The following IRF3 variants were observed in gnomAD, a reference collection of about 807,000 sequenced individuals.
The protein encoded by IRF3 is interferon regulatory factor 3.
Under a neutral mutation model 43.2 loss-of-function variants are expected in IRF3, and 29 were observed. The ratio of observed to expected loss-of-function variants is 0.67; its 90% CI spans 0.50 to 0.91. The LOEUF (loss-of-function observed/expected upper bound fraction) is 0.91. Among genes scored for constraint, IRF3 ranks in the 40% least tolerant of loss-of-function variants. IRF3 has a pLI of 0.00. For missense variants in IRF3, 505 were observed against 559.1 expected, an observed-to-expected ratio of 0.90 and a Z score of 0.98; for synonymous variants, 228 against 233.9, an observed-to-expected ratio of 0.97 and a Z score of 0.23.
At chr19:49,659,978 TAG>T in intron 7 of IRF3, 145 bp from the exon 8 acceptor site, 3 of 483,456 alleles carry the variant, frequency 6.2e-6, no homozygotes, top group Non-Finnish European at 6.5e-6. Flanking sequence ...CTGGGAGTTG[TAG>T]TTTTACACAC....
chr19:49,662,963 C>T (rs1437105771), intron 4 of IRF3, among the ~76,000 whole-genome samples: 3 of 152,160 alleles, frequency 2.0e-5, no homozygotes, highest in Non-Finnish European at 2.9e-5. Context: ...CCCTGCGAAT[C>T]GAAATCCATG....
Position 49,663,174 on chromosome 19 carries a change from GGGC to G in IRF3, c.408+11_408+13del. Reference sequence around the variant, plus strand: ...TCGGAGACTGAGGGGCATGAAAGTTGGGCACATTCTCACCTGGGTATCAGAAGT... The same window carrying G: ...TCGGAGACTGAGGGGCATGAAAGTTGACATTCTCACCTGGGTATCAGAAGT... On this transcript the variant is annotated intron_variant, in intron 4 of 7. Transcript: ENST00000377139. 6.2e-7 allele frequency: 1 copy of G among 1,609,770 alleles called. No individual in the cohort carries two copies. The highest frequency in any genetic ancestry group is 1.1e-5 in the South Asian group (1 of 90,980).
chr19:49,660,092 A>T (rs2081250233), intron 7 of IRF3, among the ~76,000 whole-genome samples: 2 of 151,078 alleles, frequency 1.3e-5, no homozygotes, highest in South Asian at 4.2e-4. Context: ...ACACACACAC[A>T]AACACACACA....
chr19:49,659,927 G>A (rs1568451109), intron 7 of IRF3, 94 bp from the exon 8 acceptor site: 17 of 1,366,456 alleles, frequency 1.2e-5, no homozygotes, highest in Non-Finnish European at 1.7e-5. Flanking sequence ...ACTCCCTGCA[G>A]CCCCTGCTGT....
intron 1 of IRF3, chr19:49,665,101 A>C: frequency 8.8e-6 from 4 of 453,562 alleles, no homozygotes; most frequent in Non-Finnish European, 1.2e-5. Flanking sequence ...CACTCCCTCA[A>C]TTCCGCCAGT....
intron 6 of IRF3, chr19:49,661,736 C>T (rs573005340): frequency 2.4e-5 from 14 of 575,448 alleles, no homozygotes; most frequent in South Asian, 1.4e-4. Context: ...CGTGCCACCA[C>T]GCCCGACTAT....
At position 49,663,429 on chromosome 19, in the gene IRF3, A is replaced by G; in HGVS notation, c.251T>C (p.Leu84Pro). Residue 84 changes from leucine to proline, a missense_variant, in exon 3 of 8, where the codon CTC (leucine) becomes CCC (proline). Leu to Pro is a moderately conservative substitution (Grantham distance 98). Transcript: ENST00000377139. ...PTWKRNFRSA[L>P]NRKEGLRLAE... ...TAAACGCAACCCTTCTTTGCGGTTGAGGGCAGAGCGGAAATTCCTCTTCCA... is the reference window on the plus strand; with the variant it reads ...TAAACGCAACCCTTCTTTGCGGTTGGGGGCAGAGCGGAAATTCCTCTTCCA... 6.2e-7 allele frequency: 1 copy of G among 1,614,192 alleles called. No homozygotes were observed. The highest frequency in any genetic ancestry group is 8.5e-7 in the Non-Finnish European group (1 of 1,180,038).
rs1222232553 is a variant in IRF3 at position 49,665,623 on chromosome 19, C to T, written c.-9+8G>A. 16 of 646,744 alleles carry T rather than the reference C, an allele frequency of 2.5e-5. No homozygotes were observed. The highest frequency in any genetic ancestry group is 4.1e-5 in the Non-Finnish European group (16 of 387,806). 40.1% of individuals were successfully genotyped at this position (646,744 alleles called of 1,614,324 possible). ...CCACCAACGCTCTCCCGGGCTCTTC[C>T]GCGTTACCTACGATGGAAGGTCGGG... On this transcript the variant is annotated splice_region_variant and intron_variant, in intron 1 of 7. Transcript: ENST00000377139.
chr19:49,662,614 C>G lies in IRF3; in HGVS notation c.412G>C (p.Asp138His). 6.5e-7 allele frequency: 1 copy of G among 1,528,290 alleles called. No individual in the cohort carries two copies. Among genetic ancestry groups the G allele is most frequent in the Admixed American group, 2.4e-5 (1 of 41,904 alleles). 94.7% of individuals were successfully genotyped at this position (1,528,290 alleles called of 1,614,324 possible). The stretch of plus-strand genomic sequence containing the variant: ...TTACCCAGTAACTCATCCAGAATGT[C>G]TTCCTGGAGGGAAACAAAAAAAGAG... ...GGGSTSDTQEDILDELLGNMV... is the reference protein window; with the variant it reads ...GGGSTSDTQEHILDELLGNMV... The change falls in exon 5 of 8, where the codon GAC (aspartate) becomes CAC (histidine). Residue 138 changes from aspartate (D) to histidine (H), a missense_variant. Coordinates refer to ENST00000377139, the MANE Select transcript of IRF3 (RefSeq NM_001571.6).
intron 2 of IRF3, chr19:49,664,380 A>G: frequency 1.6e-6 from 2 of 1,235,044 alleles, no homozygotes; most frequent in Non-Finnish European, 2.2e-6. Flanking sequence ...CTATCCTACA[A>G]CCAAGAGCCC....
intron 1 of IRF3, 31 bp from the exon 2 acceptor site, chr19:49,664,877 C>T: frequency 1.3e-6 from 2 of 1,584,818 alleles, no homozygotes; most frequent in African/African-American, 1.3e-5. Context: ...CTGGGCGCGA[C>T]CGGCCTCCCC....
chr19:49,665,618 T>C lies in IRF3; in HGVS notation c.-9+13A>G. On this transcript the variant is annotated intron_variant, in intron 1 of 7. Transcript: ENST00000377139. ...GGACGCCACCAACGCTCTCCCGGGC[T>C]CTTCCGCGTTACCTACGATGGAAGG... 1 of 619,440 alleles carries C rather than the reference T, an allele frequency of 1.6e-6. No individual in the cohort carries two copies. The highest frequency in any genetic ancestry group is 2.1e-5 in the South Asian group (1 of 47,354). The allele number at this position is 619,440 out of a possible 1,614,324, so 38.4% of individuals were successfully genotyped here.
chr19:49,662,593 C>T lies in IRF3; in HGVS notation c.433G>A (p.Gly145Ser). 6.5e-7 allele frequency: 1 copy of T among 1,529,050 alleles called. No homozygotes were observed. 94.7% of individuals were successfully genotyped at this position (1,529,050 alleles called of 1,614,324 possible). A position where few individuals can be genotyped will look rare whatever the true frequency, so the allele number is the denominator to read the frequency against. ...GGGAGTGGGGCCAACACCATGTTAC[C>T]CAGTAACTCATCCAGAATGTCTTCC... ...TQEDILDELL[G>S]NMVLAPLPDP... Residue 145 changes from glycine to serine, a missense_variant, in exon 5 of 8, where the codon GGT becomes AGT. Coordinates refer to ENST00000377139, the MANE Select transcript of IRF3 (RefSeq NM_001571.6).
Position 49,660,751 on chromosome 19 carries a change from G to T in IRF3, c.1060C>A (p.Gln354Lys). The T allele has an allele frequency of 6.2e-7, 1 of 1,610,310 alleles. No homozygotes were observed. The highest frequency in any genetic ancestry group is 8.5e-7 in the Non-Finnish European group (1 of 1,178,580). The change falls in exon 7 of 8, where the codon CAG becomes AAG. Residue 354 changes from glutamine (Q) to lysine (K), a missense_variant. Physicochemically the swap from Gln to Lys is moderately conservative, Grantham distance 53. Coordinates refer to ENST00000377139, the MANE Select transcript of IRF3 (RefSeq NM_001571.6). The stretch of plus-strand genomic sequence containing the variant: ...AGCCTCTTGGTCCACGGCTGGTCCT[G>T]GGGCCATGACTCCCCCACACAGAAC... ...LWFCVGESWP[Q>K]DQPWTKRLVM...
chr19:49,660,968 A>C, intron 6 of IRF3, 140 bp from the exon 7 acceptor site: 1 of 993,926 alleles, frequency 1.0e-6, no homozygotes, highest in Non-Finnish European at 1.4e-6. Flanking sequence ...TTGTTTGGGG[A>C]AAGTCCCCTC....
rs1415715375 is a variant in IRF3, at chr19:49,659,646, G to A, written c.*2C>T. 6 of 1,612,168 alleles carry A rather than the reference G, an allele frequency of 3.7e-6. No individual in the cohort carries two copies. Among genetic ancestry groups the A allele is most frequent in the Non-Finnish European group, 5.1e-6 (6 of 1,179,104 alleles). ...TGGAGGCACACCATGAGGAGCGAGG[G>A]CTCAGCTCTCCCCAGGGCCCTGGAA... On this transcript the variant is annotated 3_prime_UTR_variant, in exon 8 of 8. Coordinates refer to ENST00000377139, the MANE Select transcript of IRF3 (RefSeq NM_001571.6).
intron 6 of IRF3, chr19:49,661,560 A>C: frequency 6.3e-6 from 1 of 158,574 alleles, no homozygotes; most frequent in Non-Finnish European, 1.4e-5. Flanking sequence ...CAGCGTCTGA[A>C]TTCAGTCCTA....
intron 6 of IRF3, 151 bp from the exon 7 acceptor site, chr19:49,660,979 C>T: frequency 1.2e-6 from 1 of 851,170 alleles, no homozygotes; most frequent in Admixed American, 2.9e-5. Flanking sequence ...AAGTCCCCTC[C>T]TTCCCTCCCT....
intron 2 of IRF3, 59 bp from the exon 3 acceptor site, chr19:49,663,573 GCCC>G: frequency 6.4e-7 from 1 of 1,554,748 alleles, no homozygotes; most frequent in Non-Finnish European, 8.8e-7. Context: ...TGCTCCTGGG[GCCC>G]TAACCCTGTC....
Sources: allele counts gnomAD v4.1 joint callset (sites outside exome capture counted in the v4.1 genomes callset), GRCh38; gene constraint gnomAD v4.1.1; transcripts MANE v1.5; gene names NCBI Gene and HGNC (gene_info 2026-07-23, HGNC 2026-07-21).